The following GLRA1 variants were observed in gnomAD, a reference collection of about 807,000 sequenced individuals.
GLRA1 encodes glycine receptor subunit alpha-1.
Under a neutral mutation model 48.3 loss-of-function variants are expected in GLRA1, and 37 were observed. The observed-to-expected ratio is 0.77, with a 90% CI of 0.59 to 1.01. The LOEUF is 1.01. Ranked by LOEUF, GLRA1 falls within the 50% of genes least tolerant of loss-of-function variation. GLRA1 has a pLI of 0.00. For missense variants in GLRA1, 427 were observed against 571.0 expected, an observed-to-expected ratio of 0.75 and a Z score of 2.57; for synonymous variants, 196 against 210.7, an observed-to-expected ratio of 0.93 and a Z score of 0.60.
At chr5:151,872,702 C>T (rs1471025238) in intron 3 of GLRA1, among the ~76,000 whole-genome samples, 7 of 149,652 alleles carry the variant, frequency 4.7e-5, no homozygotes, top group Non-Finnish European at 8.8e-5. Context: ...GGAATTTTAC[C>T]AGGAGGCTAT....
rs143862256 is a variant in GLRA1, at chr5:151,829,860, A to T, written c.913-793T>A. Among the ~76,000 whole-genome samples the T allele has an allele frequency of 3.9e-3, 591 of 152,342 alleles. 6 individuals are homozygous for T. The highest frequency in any genetic ancestry group is 0.013 in the African/African-American group (547 of 41,578). ...TTATGATTGGCCTCTTTCACTTAGC[A>T]TATTTTCAAGGTTCATTCACATCGT... is the stretch of plus-strand genomic sequence containing the variant. On this transcript the variant is annotated intron_variant, in intron 7 of 8. Coordinates refer to ENST00000274576, the MANE Select transcript of GLRA1 (RefSeq NM_000171.4).
At chr5:151,826,027 C>A (rs1233257181) in intron 8 of GLRA1, among the ~76,000 whole-genome samples, 1 of 152,118 alleles carries the variant, frequency 6.6e-6, no homozygotes, top group Non-Finnish European at 1.5e-5. Flanking sequence ...ACTTAAGAGC[C>A]CTTATGAATG....
intron 7 of GLRA1, among the ~76,000 whole-genome samples, chr5:151,843,256 A>ATTTTTTTTTTTTTTTTTTTTTTTTTTTT (rs34491994): frequency 8.3e-6 from 1 of 120,768 alleles, no homozygotes. Context: ...CTGCTTCTAA[A>ATTTTTTTTTTTTTTTTTTTTTTTTTTTT]TTTTTTTTTT....
chr5:151,924,720 G>C lies in GLRA1; in HGVS notation c.-171C>G, dbSNP rs1309403246. The C allele has an allele frequency of 4.4e-6, 3 of 681,458 alleles. No homozygotes were observed. Among genetic ancestry groups the C allele is most frequent in the Admixed American group, 2.1e-5 (1 of 48,398 alleles). The allele number at this position is 681,458 out of a possible 1,614,324, so 42.2% of individuals were successfully genotyped here. ...CAGGGGAAATTGGAGCGAGGGGGTC[G>C]TAGATACCACGGACAGCGGCGGCTG... is the stretch of plus-strand genomic sequence containing the variant. On this transcript the variant is annotated 5_prime_UTR_variant, in exon 1 of 9. Coordinates refer to ENST00000274576, the MANE Select transcript of GLRA1 (RefSeq NM_000171.4).
intron 7 of GLRA1, among the ~76,000 whole-genome samples, chr5:151,839,930 T>A (rs1763671140): frequency 1.3e-5 from 2 of 152,148 alleles, no homozygotes; most frequent in Non-Finnish European, 2.9e-5. Context: ...CTTTTAGCAG[T>A]CCAAGTAAAC....
At chr5:151,841,125 T>C (rs904167808) in intron 7 of GLRA1, among the ~76,000 whole-genome samples, 2 of 152,074 alleles carry the variant, frequency 1.3e-5, no homozygotes, top group African/African-American at 4.8e-5. Context: ...AACCATACTA[T>C]TATGCATAAA....
At chr5:151,881,518 G>A in intron 3 of GLRA1, among the ~76,000 whole-genome samples, 1 of 107,512 alleles carries the variant, frequency 9.3e-6, no homozygotes, top group East Asian at 2.8e-4. Flanking sequence ...TTTTTTTTTA[G>A]TAGAGACAGG....
intron 3 of GLRA1, among the ~76,000 whole-genome samples, chr5:151,869,199 G>A (rs1561564256): frequency 6.6e-6 from 1 of 151,744 alleles, no homozygotes; most frequent in Non-Finnish European, 1.5e-5. Flanking sequence ...CACCTCCCAG[G>A]TTCAACGGAT....
chr5:151,840,910 A>G (rs1261869643), intron 7 of GLRA1, among the ~76,000 whole-genome samples: 1 of 152,164 alleles, frequency 6.6e-6, no homozygotes, highest in African/African-American at 2.4e-5. Context: ...TTGAAGCAAT[A>G]AATAGATAAT....
Position 151,856,362 on chromosome 5 carries a change from G to A in GLRA1, c.498C>T (p.Cys166=). ...TGGGGAAATTCTTCAAGTCCATGGG[G>A]CAGGCCAGTGTCAGGGTGATTCTGG... ...YSIRITLTLA[C]PMDLKNFPMD... Residue 166 remains cysteine, a synonymous_variant, in exon 5 of 9, where the codon TGC becomes TGT. Transcript: ENST00000274576. The A allele has an allele frequency of 6.2e-7, 1 of 1,611,046 alleles. No individual in the cohort carries two copies. Among genetic ancestry groups the A allele is most frequent in the Non-Finnish European group, 8.5e-7 (1 of 1,177,506 alleles).
chr5:151,870,736 G>T (rs1403867458), intron 3 of GLRA1, among the ~76,000 whole-genome samples: 4 of 149,662 alleles, frequency 2.7e-5, no homozygotes, highest in Non-Finnish European at 4.4e-5. Flanking sequence ...GAGGGCTTCT[G>T]TGTGGTGACG....
At chr5:151,851,819 G>A (rs779990858) in intron 6 of GLRA1, among the ~76,000 whole-genome samples, 2 of 152,120 alleles carry the variant, frequency 1.3e-5, no homozygotes, top group Non-Finnish European at 1.5e-5. Flanking sequence ...TATGATTAAT[G>A]TGAGGATAAA....
At chr5:151,826,501 T>G (rs1319794155) in intron 8 of GLRA1, among the ~76,000 whole-genome samples, 1 of 152,182 alleles carries the variant, frequency 6.6e-6, no homozygotes, top group Non-Finnish European at 1.5e-5. Flanking sequence ...CCTCGGGTTT[T>G]TTAGCACCTC....
At chr5:151,858,288 A>AAAAGTG (rs1288295832) in intron 4 of GLRA1, among the ~76,000 whole-genome samples, 3 of 152,174 alleles carry the variant, frequency 2.0e-5, no homozygotes, top group Non-Finnish European at 2.9e-5. Context: ...GAAGGAGGGA[A>AAAAGTG]AAAGTGAAGA....
At chr5:151,901,902 C>T (rs567890592) in intron 1 of GLRA1, among the ~76,000 whole-genome samples, 65 of 152,234 alleles carry the variant, frequency 4.3e-4, no homozygotes, top group Non-Finnish European at 6.8e-4. Flanking sequence ...TGAGGTTATG[C>T]AGTTTGTAAG....
chr5:151,898,104 C>T (rs1219254796), intron 1 of GLRA1, among the ~76,000 whole-genome samples: 1 of 152,126 alleles, frequency 6.6e-6, no homozygotes, highest in African/African-American at 2.4e-5. Flanking sequence ...TTCAGTGAGT[C>T]ACTTCCCTTG....
chr5:151,898,992 G>A (rs759836315), intron 1 of GLRA1, among the ~76,000 whole-genome samples: 1 of 152,154 alleles, frequency 6.6e-6, no homozygotes, highest in East Asian at 1.9e-4. Flanking sequence ...AGAAGTGATA[G>A]ACAACTTGGA....
chr5:151,921,566 T>G (rs10058060), intron 1 of GLRA1, among the ~76,000 whole-genome samples: 3,311 of 152,246 alleles, frequency 0.022, 53 homozygotes, highest in South Asian at 0.072. Context: ...TGTGTCTGTT[T>G]GAGTTGCTCA....
At chr5:151,835,104 C>T (rs1041010246) in intron 7 of GLRA1, among the ~76,000 whole-genome samples, 5 of 151,342 alleles carry the variant, frequency 3.3e-5, no homozygotes, top group African/African-American at 1.2e-4. Context: ...CACCACTGAT[C>T]CCACAGAAAT....
Sources: allele counts gnomAD v4.1 joint callset (sites outside exome capture counted in the v4.1 genomes callset), GRCh38; gene constraint gnomAD v4.1.1; transcripts MANE v1.5; gene names NCBI Gene and HGNC (gene_info 2026-07-23, HGNC 2026-07-21).